The following ZFR2 variants were observed in gnomAD, a reference collection of about 807,000 sequenced individuals.
ZFR2 encodes zinc finger RNA binding protein 2, also known as zinc finger RNA-binding protein 2.
A neutral mutation model predicts 105.7 loss-of-function variants in ZFR2; 104 were observed. The observed-to-expected ratio is 0.98, with a 90% CI of 0.84 to 1.16. ZFR2 has a LOEUF of 1.16. Among genes scored for constraint, ZFR2 ranks in the 50% most tolerant of loss-of-function variants. The pLI, the probability that ZFR2 is intolerant of heterozygous loss-of-function variation, is 0.00. For missense variants in ZFR2, 1,425 were observed against 1,355.5 expected, an observed-to-expected ratio of 1.05 and a Z score of -0.80; for synonymous variants, 634 against 597.7, an observed-to-expected ratio of 1.06 and a Z score of -0.89.
rs562059764 is a variant in ZFR2, at chr19:3,807,243, C to T, written c.2572G>A (p.Glu858Lys). The T allele has an allele frequency of 1.1e-5, 17 of 1,560,520 alleles. No homozygotes were observed. The highest frequency in any genetic ancestry group is 1.7e-4 in the Middle Eastern group (1 of 5,998). The change falls in exon 18 of 19, where the codon GAG becomes AAG. Residue 858 changes from glutamate (E) to lysine (K), a missense_variant. Transcript: ENST00000262961. ...TDGPGLQDPC[E>K]RDQTDALEPM... ...TCGAGGGCATCTGTCTGGTCTCTCT[C>T]GCAGGGATCCTGGAGCCCGGGCCCG...
chr19:3,828,112 G>A (rs951355865), intron 5 of ZFR2, among the ~76,000 whole-genome samples: 2 of 150,602 alleles, frequency 1.3e-5, no homozygotes, highest in Admixed American at 6.7e-5. Flanking sequence ...GCACCACCGC[G>A]CCCAGCCTAT....
chr19:3,839,562 A>G (rs2038114510), intron 1 of ZFR2, among the ~76,000 whole-genome samples: 2 of 141,516 alleles, frequency 1.4e-5, no homozygotes, highest in African/African-American at 5.4e-5. Context: ...AAAAAAAAAA[A>G]AAAAAAAAAA....
intron 1 of ZFR2, chr19:3,851,880 C>A (rs1044214568): frequency 6.2e-6 from 1 of 160,186 alleles, no homozygotes; most frequent in Non-Finnish European, 1.4e-5. Flanking sequence ...CACGGCTCAT[C>A]TTGCAATACA....
In ZFR2 at chr19:3,849,024, CCAAA is replaced by C. The variant is rs1236811517; in HGVS notation, c.54-14045_54-14042del. Among the ~76,000 whole-genome samples the C allele has an allele frequency of 2.1e-5, 3 of 144,368 alleles. No homozygotes were observed. In the East Asian group the frequency reaches 6.5e-4, roughly 31 times the overall value. The allele number at this position is 144,368 out of a possible 152,430, so 94.7% of individuals were successfully genotyped here. ...AAAACAAAACAAAACAAAACAAAAA[CCAAA>C]CAAACAAAAACACAAAGCGTTCAGT... is the stretch of plus-strand genomic sequence containing the variant. On this transcript the variant is annotated intron_variant, in intron 1 of 18. Coordinates refer to ENST00000262961, the MANE Select transcript of ZFR2 (RefSeq NM_015174.2).
chr19:3,826,527 C>T (rs977488835), intron 6 of ZFR2, among the ~76,000 whole-genome samples: 2 of 151,946 alleles, frequency 1.3e-5, no homozygotes, highest in African/African-American at 4.8e-5. Flanking sequence ...CCTCCACCTA[C>T]CGGGTTCAAG....
At chr19:3,839,152 AC>A (rs2038108715) in intron 1 of ZFR2, among the ~76,000 whole-genome samples, 1 of 152,060 alleles carries the variant, frequency 6.6e-6, no homozygotes, top group African/African-American at 2.4e-5. Context: ...TAAAGAAGAA[AC>A]ATTCAGATTC....
intron 13 of ZFR2, among the ~76,000 whole-genome samples, chr19:3,814,397 G>A (rs1475172911): frequency 6.6e-6 from 1 of 152,146 alleles, no homozygotes; most frequent in African/African-American, 2.4e-5. Flanking sequence ...CTGTGAGCAG[G>A]ACATAGCTCA....
chr19:3,817,224 C>T (rs965399408), intron 12 of ZFR2, among the ~76,000 whole-genome samples: 1 of 152,098 alleles, frequency 6.6e-6, no homozygotes, highest in Non-Finnish European at 1.5e-5. Flanking sequence ...GGACAGAAAG[C>T]AAGGCTGCTT....
chr19:3,864,902 C>G (rs1032627544), intron 1 of ZFR2, among the ~76,000 whole-genome samples: 11 of 152,090 alleles, frequency 7.2e-5, no homozygotes, highest in African/African-American at 2.7e-4. Flanking sequence ...CATGCGTCAC[C>G]ACAGCTGGCT....
At chr19:3,840,996 A>G (rs6510773) in intron 1 of ZFR2, among the ~76,000 whole-genome samples, 125,679 of 152,194 alleles carry the variant, frequency 0.83, 52,541 homozygotes, top group East Asian at 0.98. Flanking sequence ...ACACACACAC[A>G]TGTGCATGAG....
At chr19:3,821,205 C>T (rs997721389) in intron 10 of ZFR2, 135 bp downstream of exon 10, 64 of 1,265,320 alleles carry the variant, frequency 5.1e-5, no homozygotes, top group East Asian at 1.1e-4. Context: ...GCCCACTGCC[C>T]GGGCACCCGT....
intron 14 of ZFR2, 122 bp from the exon 15 acceptor site, chr19:3,811,488 T>G: frequency 1.2e-6 from 1 of 860,190 alleles, no homozygotes; most frequent in Non-Finnish European, 1.8e-6. Context: ...ACAGTTTCAC[T>G]GTGTCACCCA....
At chr19:3,833,811 G>C (rs1361265146) in intron 2 of ZFR2, 33 bp from the exon 3 acceptor site, 15 of 1,522,470 alleles carry the variant, frequency 9.9e-6, no homozygotes, top group Non-Finnish European at 1.3e-5. Context: ...GAGAGACAGA[G>C]AACGGAGGAG....
intron 1 of ZFR2, chr19:3,852,346 C>G: frequency 1.6e-6 from 1 of 640,562 alleles, no homozygotes; most frequent in South Asian, 1.9e-5. Context: ...GGGTGGCTCT[C>G]CTGACCATGG....
chr19:3,805,735 G>T lies in ZFR2; in HGVS notation c.*214C>A. ...TGTCTGGGCTGGCCTTGAACTCTCAGGCTCAAGCAACTCAGCCTCCCAAAG... is the reference window on the plus strand; with the variant it reads ...TGTCTGGGCTGGCCTTGAACTCTCATGCTCAAGCAACTCAGCCTCCCAAAG... On this transcript the variant is annotated 3_prime_UTR_variant, in exon 19 of 19. Coordinates refer to ENST00000262961, the MANE Select transcript of ZFR2 (RefSeq NM_015174.2). 1.9e-6 allele frequency: 1 copy of T among 519,554 alleles called. No homozygotes were observed. 32.2% of individuals were successfully genotyped at this position (519,554 alleles called of 1,614,324 possible). A position where few individuals can be genotyped will look rare whatever the true frequency, so the allele number is the denominator to read the frequency against.
At position 3,808,566 on chromosome 19, in the gene ZFR2, G is replaced by A. The variant is rs574356218; in HGVS notation, c.2545+306C>T. 3.3e-5 allele frequency among the ~76,000 whole-genome samples: 5 copies of A among 152,302 alleles called. No homozygotes were observed. The East Asian group carries it at 5.8e-4, about 18-fold the overall frequency. On this transcript the variant is annotated intron_variant, in intron 17 of 18. Coordinates refer to ENST00000262961, the MANE Select transcript of ZFR2 (RefSeq NM_015174.2). ...ATTTGTGCCAGAGTGGCTCTGTGCCGGGGTGGCTCTGTGCCGCCGCCGGTG... is the reference window on the plus strand; with the variant it reads ...ATTTGTGCCAGAGTGGCTCTGTGCCAGGGTGGCTCTGTGCCGCCGCCGGTG...
At chr19:3,821,080 G>A (rs2037886895) in intron 10 of ZFR2, among the ~76,000 whole-genome samples, 1 of 152,062 alleles carries the variant, frequency 6.6e-6, no homozygotes, top group Admixed American at 6.6e-5. Context: ...CCAGCGAGTT[G>A]GCCGGCAGTG....
chr19:3,814,040 T>C, intron 13 of ZFR2, 82 bp from the exon 14 acceptor site: 3 of 1,568,100 alleles, frequency 1.9e-6, no homozygotes, highest in East Asian at 2.3e-5. Flanking sequence ...GGTTGGTGTG[T>C]GTAAATTAAT....
chr19:3,833,931 A>AGGCAGGGGGCAGGG lies in ZFR2; in HGVS notation c.265-167_265-154dup, dbSNP rs558694587. Among the ~76,000 whole-genome samples the AGGCAGGGGGCAGGG allele has an allele frequency of 5.0e-3, 748 of 151,096 alleles. 4 individuals are homozygous for AGGCAGGGGGCAGGG. The highest frequency in any genetic ancestry group is 0.023 in the East Asian group (118 of 5,034). On this transcript the variant is annotated intron_variant, in intron 2 of 18. Coordinates refer to ENST00000262961, the MANE Select transcript of ZFR2 (RefSeq NM_015174.2). ...TGCCCAGGACCAGGCCCTGGCCCGG[A>AGGCAGGGGGCAGGG]GGCAGGGGGCAGGGGGCAGGGGGCA...
Sources: allele counts gnomAD v4.1 joint callset (sites outside exome capture counted in the v4.1 genomes callset), GRCh38; gene constraint gnomAD v4.1.1; transcripts MANE v1.5; gene names NCBI Gene and HGNC (gene_info 2026-07-23, HGNC 2026-07-21).